The following EIF3L variants were observed in gnomAD, a reference collection of about 807,000 sequenced individuals.
EIF3L encodes the protein eIEF associated protein HSPC021.
In EIF3L, 32 loss-of-function variants were observed where a neutral mutation model predicts 74.6. That is an observed-to-expected ratio of 0.43 (90% CI 0.32 to 0.58). The LOEUF (loss-of-function observed/expected upper bound fraction) is 0.58. EIF3L is among the 20% of genes least tolerant of loss of function. The probability of loss-of-function intolerance (pLI) is 0.06; values close to 1 mark genes in which losing one functional copy is unlikely to be tolerated. For missense variants in EIF3L, 474 were observed against 707.8 expected (o/e 0.67, Z 3.75); for synonymous variants, 256 against 254.4 (o/e 1.01, Z -0.06).
chr22:37,863,359 T>C lies in EIF3L; in HGVS notation c.579+14T>C, dbSNP rs765363056. On this transcript the variant is annotated intron_variant, in intron 7 of 12. Transcript: ENST00000652021. ...TTCATCTACCAGGTATCTGGTCAGC[T>C]TCAGCCTAATTTGAAATAACTGGTC... 12 of 1,596,476 alleles carry C rather than the reference T, an allele frequency of 7.5e-6. No individual in the cohort carries two copies. Among genetic ancestry groups the C allele is most frequent in the Non-Finnish European group, 8.6e-6 (10 of 1,169,082 alleles).
rs1009969995 is a variant in EIF3L, at chr22:37,858,408, G to T, written c.374-271G>T. Among the ~76,000 whole-genome samples the T allele has an allele frequency of 9.9e-5, 15 of 151,536 alleles. No homozygotes were observed. In the South Asian group the frequency reaches 2.9e-3, roughly 30 times the overall value. ...CTTGTCTAATTACTCTTGTGTGCTG[G>T]TTTTTTTATGCACTTGGATGGCAGA... On this transcript the variant is annotated intron_variant, in intron 4 of 12. Coordinates refer to ENST00000652021, the MANE Select transcript of EIF3L (RefSeq NM_016091.4).
In EIF3L at chr22:37,876,054, G is replaced by T. The variant is rs757637709; in HGVS notation, c.1077+43G>T. 2.5e-6 allele frequency: 4 copies of T among 1,586,596 alleles called. No individual in the cohort carries two copies. The East Asian group carries it at 9.0e-5, about 36-fold the overall frequency. On this transcript the variant is annotated intron_variant, in intron 10 of 12. Transcript: ENST00000652021. ...TGCCACCAGTGGCCTTTCTAATCAG[G>T]GGGATCCTTGGCACCTATGCCAACC...
intron 9 of EIF3L, 30 bp downstream of exon 9, chr22:37,874,554 C>T: frequency 6.2e-7 from 1 of 1,602,196 alleles, no homozygotes; most frequent in East Asian, 2.3e-5. Context: ...GCCCCTCTTG[C>T]CAGAGCCAGA....
intron 10 of EIF3L, chr22:37,876,726 G>A (rs1926772929): frequency 6.6e-6 from 1 of 152,162 alleles, no homozygotes; most frequent in Admixed American, 6.5e-5. Flanking sequence ...ATATCCTCCA[G>A]CAGTGCCTAC....
At chr22:37,880,415 CT>C (rs1412031976) in intron 11 of EIF3L, 1 of 150,624 alleles carries the variant, frequency 6.6e-6, no homozygotes, top group Non-Finnish European at 1.5e-5. Context: ...ATCCGGCTCT[CT>C]TTTTTGAGAC....
chr22:37,878,306 G>A, intron 11 of EIF3L, 135 bp downstream of exon 11: 2 of 1,154,320 alleles, frequency 1.7e-6, no homozygotes, highest in South Asian at 1.6e-5. Flanking sequence ...TGCCAGGTGT[G>A]GTGGCTCATG....
At chr22:37,888,366 A>C (rs1927428870) in intron 12 of EIF3L, 60 bp from the exon 13 acceptor site, 1 of 1,575,872 alleles carries the variant, frequency 6.3e-7, no homozygotes, top group South Asian at 1.1e-5. Context: ...GATCATACAC[A>C]CTGTAGGAAA....
At chr22:37,876,065 G>A in intron 10 of EIF3L, 54 bp downstream of exon 10, 1 of 1,565,932 alleles carries the variant, frequency 6.4e-7, no homozygotes, top group Non-Finnish European at 8.7e-7. Flanking sequence ...GGGATCCTTG[G>A]CACCTATGCC....
Position 37,874,403 on chromosome 22 carries a change from G to C in EIF3L, c.785G>C (p.Arg262Pro), listed in dbSNP as rs150200232. The change falls in exon 9 of 13, where the codon CGG becomes CCG. Residue 262 changes from arginine to proline, a missense_variant. By Grantham distance (103) the Arg-to-Pro change is moderately radical (BLOSUM62 -2). Around this residue, in one of 4 missense-constraint regions of EIF3L, gnomAD observed 293 missense variants for 469.1 expected, o/e 0.62. Coordinates refer to ENST00000652021, the MANE Select transcript of EIF3L (RefSeq NM_016091.4). ...GAGAGTGTGGCTGGGGAGTATGGGC[G>C]GCACTCCCTCTACAAAATGCTTGGT... is the stretch of plus-strand genomic sequence containing the variant. ...DPESVAGEYGRHSLYKMLGYF... is the reference protein window; with the variant it reads ...DPESVAGEYGPHSLYKMLGYF... The C allele has an allele frequency of 6.2e-7, 1 of 1,614,028 alleles. No individual in the cohort carries two copies. Among genetic ancestry groups the C allele is most frequent in the Middle Eastern group, 1.6e-4 (1 of 6,062 alleles).
intron 7 of EIF3L, among the ~76,000 whole-genome samples, chr22:37,869,857 A>T (rs1364028027): frequency 1.3e-5 from 2 of 152,112 alleles, no homozygotes; most frequent in African/African-American, 4.8e-5. Flanking sequence ...GGTCAACTGC[A>T]TTGTGAGGCC....
intron 7 of EIF3L, 21 bp from the exon 8 acceptor site, chr22:37,870,155 G>A (rs1926395719): frequency 3.2e-6 from 5 of 1,575,970 alleles, no homozygotes; most frequent in Non-Finnish European, 4.3e-6. Context: ...ACTACTGCAT[G>A]TTTCTTTTCT....
intron 7 of EIF3L, among the ~76,000 whole-genome samples, chr22:37,868,893 C>T (rs897082041): frequency 4.0e-5 from 6 of 151,828 alleles, no homozygotes; most frequent in South Asian, 2.1e-4. Flanking sequence ...CCGCCTGCAT[C>T]GGCCTCCCAA....
At chr22:37,885,100 G>A (rs1927251917) in intron 11 of EIF3L, 1 of 151,742 alleles carries the variant, frequency 6.6e-6, no homozygotes, top group Non-Finnish European at 1.5e-5. Context: ...TGTATTTTTT[G>A]TAGAGATGGG....
chr22:37,856,297 G>A (rs898118367), intron 4 of EIF3L, among the ~76,000 whole-genome samples: 1 of 151,968 alleles, frequency 6.6e-6, no homozygotes, highest in Non-Finnish European at 1.5e-5. Flanking sequence ...GGCTGGTCTC[G>A]AACTGCTGAC....
intron 7 of EIF3L, among the ~76,000 whole-genome samples, chr22:37,865,934 A>T (rs1336332615): frequency 6.6e-6 from 1 of 152,204 alleles, no homozygotes; most frequent in Admixed American, 6.6e-5. Flanking sequence ...GTGCTTTCTA[A>T]CAAAGACTGT....
intron 8 of EIF3L, among the ~76,000 whole-genome samples, chr22:37,870,958 C>T (rs1021490909): frequency 6.6e-6 from 1 of 151,456 alleles, no homozygotes; most frequent in African/African-American, 2.4e-5. Context: ...GACTTTGTCT[C>T]AAAAAAAATG....
chr22:37,888,290 A>G (rs1927425664), intron 12 of EIF3L, 136 bp from the exon 13 acceptor site: 2 of 806,808 alleles, frequency 2.5e-6, no homozygotes, highest in Non-Finnish European at 2.1e-6. Flanking sequence ...GCACACACAT[A>G]GTGGACACCC....
chr22:37,889,165 T>C lies in EIF3L; in HGVS notation c.*701T>C, dbSNP rs1165242393. The C allele has an allele frequency of 6.6e-6, 1 of 152,304 alleles. No individual in the cohort carries two copies. Among genetic ancestry groups the C allele is most frequent in the African/African-American group, 2.4e-5 (1 of 41,438 alleles). The allele number at this position is 152,304 out of a possible 1,614,324, so 9.4% of individuals were successfully genotyped here. ...CCCAGGTTCCTGCCATTCTCCTGCC[T>C]CAGCCTCCCAAGTAGCTGGGACTAC... On this transcript the variant is annotated 3_prime_UTR_variant, in exon 13 of 13. Coordinates refer to ENST00000652021, the MANE Select transcript of EIF3L (RefSeq NM_016091.4).
chr22:37,864,955 G>A (rs1487286178), intron 7 of EIF3L, among the ~76,000 whole-genome samples: 2 of 152,188 alleles, frequency 1.3e-5, no homozygotes, highest in South Asian at 2.1e-4. Flanking sequence ...GAGATACTAC[G>A]TATAGAGTGT....
Sources: gnomAD v4.1 joint callset for allele counts (sites outside exome capture counted in the v4.1 genomes callset) on GRCh38, gnomAD v4.1.1 for gene constraint, gnomAD v4.1.1 regional missense constraint, MANE v1.5 for transcripts, NCBI Gene and HGNC (gene_info 2026-07-23, HGNC 2026-07-21) for gene names.